The following RPUSD1 variants were observed in gnomAD, a reference collection of about 807,000 sequenced individuals.
RPUSD1 encodes the protein pseudouridylate synthase RPUSD1.
A neutral mutation model predicts 22.4 loss-of-function variants in RPUSD1; 28 were observed. The observed-to-expected ratio is 1.25, with a 90% CI of 0.93 to 1.72. The LOEUF (loss-of-function observed/expected upper bound fraction) is 1.72, where lower values mean the gene tolerates loss of function less well. Ranked by LOEUF, RPUSD1 falls within the 40% of genes most tolerant of loss-of-function variation. RPUSD1 has a pLI of 0.00. For missense variants in RPUSD1, 596 were observed against 442.2 expected, an observed-to-expected ratio of 1.35 and a Z score of -3.12; for synonymous variants, 298 against 201.0, an observed-to-expected ratio of 1.48 and a Z score of -4.08.
chr16:788,209 C>T (rs2042030570), intron 1 of RPUSD1, 47 bp downstream of exon 1: 1 of 400,616 alleles, frequency 2.5e-6, no homozygotes, highest in Admixed American at 3.0e-5. Context: ...GGCAGGCCGA[C>T]CCTGGCTCCG....
Position 787,986 on chromosome 16 carries a change from G to A in RPUSD1, c.-7-242C>T, listed in dbSNP as rs577596418. 554 of 579,440 alleles carry A rather than the reference G, an allele frequency of 9.6e-4. 1 individual carries two copies. Among genetic ancestry groups the A allele is most frequent in the Non-Finnish European group, 1.5e-3 (499 of 324,980 alleles). The allele number at this position is 579,440 out of a possible 1,614,324, so 35.9% of individuals were successfully genotyped here. ...GGGCCCTGCCTGACCTAAGCCTGGA[G>A]AAAGAGCCCGTTCCAAACCTGCCCC... On this transcript the variant is annotated intron_variant, in intron 1 of 5. Transcript: ENST00000007264.
In RPUSD1 at chr16:786,040, A is replaced by G. The variant is rs541944526; in HGVS notation, c.849T>C (p.Pro283=). 2.6e-6 allele frequency: 4 copies of G among 1,511,742 alleles called. No homozygotes were observed. The highest frequency in any genetic ancestry group is 1.8e-4 in the Middle Eastern group (1 of 5,536). The allele number at this position is 1,511,742 out of a possible 1,614,324, so 93.6% of individuals were successfully genotyped here. Residue 283 remains proline, a synonymous_variant, in exon 6 of 6, where the codon CCT becomes CCC. Transcript: ENST00000007264. Reference sequence around the variant, plus strand: ...TCTCAGGGGGCTTGGTTGGGGGTGGAGGAGGCCGGCCGGGCCCAGGCAGGA... The same window carrying G: ...TCTCAGGGGGCTTGGTTGGGGGTGGGGGAGGCCGGCCGGGCCCAGGCAGGA... ...SALLPGPGRP[P]PPPTKPPETE...
chr16:786,263 T>A lies in RPUSD1; in HGVS notation c.626A>T (p.His209Leu). ...CGTGGGGATGCGCAGGTAGAAAGCG[T>A]GCAGCATCATTCTGAACGGCCGGTC... ...REDRPFRMMLHAFYLRIPTDT... is the reference protein window; with the variant it reads ...REDRPFRMMLLAFYLRIPTDT... Residue 209 changes from histidine (H) to leucine (L), a missense_variant, in exon 6 of 6, where the codon CAC becomes CTC. Transcript: ENST00000007264. The A allele has an allele frequency of 1.9e-6, 3 of 1,612,738 alleles. No homozygotes were observed. The highest frequency in any genetic ancestry group is 2.5e-6 in the Non-Finnish European group (3 of 1,179,938).
At position 786,202 on chromosome 16, in the gene RPUSD1, G is replaced by A. The variant is rs559235513; in HGVS notation, c.687C>T (p.Pro229=). The change falls in exon 6 of 6, where the codon CCC becomes CCT. Residue 229 remains proline, a synonymous_variant. Coordinates refer to ENST00000007264, the MANE Select transcript of RPUSD1 (RefSeq NM_058192.3). ...TECVEVCTPD[P]FLPSLDACWS... ...AGCAGGCATCCAGGGAGGGCAGGAA[G>A]GGGTCAGGCGTGCAGACCTCCACAC... The A allele has an allele frequency of 3.5e-5, 57 of 1,612,620 alleles. No homozygotes were observed. Among genetic ancestry groups the A allele is most frequent in the Non-Finnish European group, 4.2e-5 (50 of 1,179,912 alleles).
In RPUSD1 at chr16:786,914, T is replaced by G. The variant is rs750771223; in HGVS notation, c.424A>C (p.Lys142Gln). 1.9e-6 allele frequency: 3 copies of G among 1,612,912 alleles called. No homozygotes were observed. In the East Asian group the frequency reaches 6.7e-5, roughly 36 times the overall value. The change falls in exon 5 of 6, where the codon AAG becomes CAG. Residue 142 changes from lysine (K) to glutamine (Q), a missense_variant. By Grantham distance (53) the Lys-to-Gln change is moderately conservative. Coordinates refer to ENST00000007264, the MANE Select transcript of RPUSD1 (RefSeq NM_058192.3). ...IEGSQGCENP[K>Q]PSLTDLVVLE... Reference sequence around the variant, plus strand: ...ACCACGAGATCTGTGAGGCTTGGCTTTGGGTTCTCACAACCTGGGGCGCAG... The same window carrying G: ...ACCACGAGATCTGTGAGGCTTGGCTGTGGGTTCTCACAACCTGGGGCGCAG...
intron 1 of RPUSD1, chr16:787,999 C>T (rs1486666840): frequency 3.5e-6 from 2 of 571,394 alleles, no homozygotes; most frequent in Non-Finnish European, 6.3e-6. Context: ...AGAGCCCGTT[C>T]CAAACCTGCC....
chr16:787,139 T>G lies in RPUSD1; in HGVS notation c.347A>C (p.His116Pro). The G allele has an allele frequency of 6.2e-7, 1 of 1,608,454 alleles. No homozygotes were observed. The highest frequency in any genetic ancestry group is 8.5e-7 in the Non-Finnish European group (1 of 1,179,616). Residue 116 changes from histidine (H) to proline (P), a missense_variant, in exon 4 of 6, where the codon CAT becomes CCT. His to Pro is a moderately conservative substitution (Grantham distance 77, BLOSUM62 -2). Transcript: ENST00000007264. Reference protein sequence around the residue: ...HIQESRVTISHAIGRNSTEGR... With the variant: ...HIQESRVTISPAIGRNSTEGR... Reference sequence around the variant, plus strand: ...CTCCGTGCTGTTCCTGCCAATGGCATGGCTGATGGTTACCCGGCTCTCCTG... The same window carrying G: ...CTCCGTGCTGTTCCTGCCAATGGCAGGGCTGATGGTTACCCGGCTCTCCTG...
rs2041905609 is a variant in RPUSD1 at position 786,253 on chromosome 16, G to A, written c.636C>T (p.Tyr212=). ...ACTCGGTGTCCGTGGGGATGCGCAG[G>A]TAGAAAGCGTGCAGCATCATTCTGA... The part of the protein sequence containing the change: ...RPFRMMLHAF[Y]LRIPTDTECV... Residue 212 remains tyrosine, a synonymous_variant, in exon 6 of 6, where the codon TAC becomes TAT. Transcript: ENST00000007264. 5.6e-6 allele frequency: 9 copies of A among 1,612,666 alleles called. No individual in the cohort carries two copies. Among genetic ancestry groups the A allele is most frequent in the African/African-American group, 2.7e-5 (2 of 74,934 alleles).
Position 787,709 on chromosome 16 carries a change from G to A in RPUSD1, c.29C>T (p.Ser10Phe), listed in dbSNP as rs368353162. 6.2e-7 allele frequency: 1 copy of A among 1,611,538 alleles called. No individual in the cohort carries two copies. The highest frequency in any genetic ancestry group is 8.5e-7 in the Non-Finnish European group (1 of 1,179,896). Reference protein sequence around the residue: MEPGSVENLSIVYRSRDFLV... With the variant: MEPGSVENLFIVYRSRDFLV... Reference sequence around the variant, plus strand: ...GAAGTCGCGGCTCCGGTACACGATGGACAGGTTCTCCACGCTGCCTGGCTC... The same window carrying A: ...GAAGTCGCGGCTCCGGTACACGATGAACAGGTTCTCCACGCTGCCTGGCTC... The change falls in exon 2 of 6, where the codon TCC becomes TTC. Residue 10 changes from serine (S) to phenylalanine (F), a missense_variant. Coordinates refer to ENST00000007264, the MANE Select transcript of RPUSD1 (RefSeq NM_058192.3).
intron 1 of RPUSD1, 104 bp downstream of exon 1, chr16:788,152 T>C (rs1446854946): frequency 6.8e-6 from 3 of 441,240 alleles, no homozygotes; most frequent in African/African-American, 2.1e-5. Flanking sequence ...TGGGGCCTCC[T>C]CGCTCCCCGC....
rs746041772 is a variant in RPUSD1 at position 787,372 on chromosome 16, G to A, written c.288C>T (p.Thr96=). ...AYRCFKERRV[T]KAYLALLRGH... ...GTCTTACCAATGCCAGGTAAGCCTT[G>A]GTCACGCGCCGCTCCTTGAAGCACC... Residue 96 remains threonine, a synonymous_variant, in exon 3 of 6, where the codon ACC becomes ACT. Coordinates refer to ENST00000007264, the MANE Select transcript of RPUSD1 (RefSeq NM_058192.3). 6.9e-6 allele frequency: 11 copies of A among 1,587,230 alleles called. No individual in the cohort carries two copies. In the Admixed American group the frequency reaches 7.0e-5, roughly 10 times the overall value.
At chr16:787,914 C>T (rs1567383100) in intron 1 of RPUSD1, 170 bp from the exon 2 acceptor site, 5 of 654,110 alleles carry the variant, frequency 7.6e-6, no homozygotes, top group Middle Eastern at 4.2e-4. Context: ...GTCCCCAGGG[C>T]GTCAGCTGGG....
Position 787,742 on chromosome 16 carries a change from G to C in RPUSD1, c.-5C>G. 3.1e-6 allele frequency: 5 copies of C among 1,606,936 alleles called. No homozygotes were observed. The highest frequency in any genetic ancestry group is 4.2e-6 in the Non-Finnish European group (5 of 1,178,826). ...CTCCACGCTGCCTGGCTCCATGGCC[G>C]GCCTGCCGAGCCACGCGTGGGTGCG... On this transcript the variant is annotated splice_region_variant and 5_prime_UTR_variant, in exon 2 of 6. Coordinates refer to ENST00000007264, the MANE Select transcript of RPUSD1 (RefSeq NM_058192.3).
chr16:786,684 G>T (rs1410695332), intron 5 of RPUSD1, 143 bp downstream of exon 5: 1 of 788,104 alleles, frequency 1.3e-6, no homozygotes, highest in South Asian at 1.4e-5. Context: ...AAGCTGAGAG[G>T]CTGCAGGGCG....
chr16:786,528 G>C (rs577498081), intron 5 of RPUSD1, 151 bp from the exon 6 acceptor site: 2 of 792,588 alleles, frequency 2.5e-6, no homozygotes, highest in African/African-American at 1.7e-5. Flanking sequence ...CCATGAGTGA[G>C]GATGACAGTA....
At position 785,925 on chromosome 16, in the gene RPUSD1, A is replaced by G. The variant is rs2041887357; in HGVS notation, c.*25T>C. The G allele has an allele frequency of 2.8e-6, 4 of 1,423,112 alleles. No homozygotes were observed. The Admixed American group carries it at 8.7e-5, about 31-fold the overall frequency. The allele number at this position is 1,423,112 out of a possible 1,614,324, so 88.2% of individuals were successfully genotyped here. A position where few individuals can be genotyped will look rare whatever the true frequency, so the allele number is the denominator to read the frequency against. On this transcript the variant is annotated 3_prime_UTR_variant, in exon 6 of 6. Coordinates refer to ENST00000007264, the MANE Select transcript of RPUSD1 (RefSeq NM_058192.3). ...CCTAGAGTCCCGCTGTGCAGCTGAC[A>G]CCCCCTGCCCCAGCCCCACGGCTCT... is the stretch of plus-strand genomic sequence containing the variant.
Position 787,621 on chromosome 16 carries a change from G to A in RPUSD1, c.117C>T (p.Thr39=), listed in dbSNP as rs538989051. The change falls in exon 2 of 6, where the codon ACC becomes ACT. Residue 39 remains threonine, a synonymous_variant. Coordinates refer to ENST00000007264, the MANE Select transcript of RPUSD1 (RefSeq NM_058192.3). ...IDSKAWRETL[T]LQKQLRYRFP... ...AGCGGTACCGCAGCTGCTTCTGCAG[G>A]GTCAGAGTCTCCCGCCACGCCTTGC... 1 of 1,611,888 alleles carries A rather than the reference G, an allele frequency of 6.2e-7. No individual in the cohort carries two copies. The highest frequency in any genetic ancestry group is 1.1e-5 in the South Asian group (1 of 91,092).
chr16:785,998 G>T lies in RPUSD1; in HGVS notation c.891C>A (p.Gly297=). Residue 297 remains glycine (G), a synonymous_variant, in exon 6 of 6, where the codon GGC becomes GGA. Transcript: ENST00000007264. ...ACTCCGACAGCCACTGCAGGCAGGG[G>T]CCCCGCTGTGCCTCAGTCTCAGGGG... The part of the protein sequence containing the change: ...TKPPETEAQR[G]PCLQWLSEWT... The T allele has an allele frequency of 1.4e-6, 2 of 1,461,320 alleles. No individual in the cohort carries two copies. The highest frequency in any genetic ancestry group is 1.8e-6 in the Non-Finnish European group (2 of 1,110,910). 90.5% of individuals were successfully genotyped at this position (1,461,320 alleles called of 1,614,324 possible). A position where few individuals can be genotyped will look rare whatever the true frequency, so the allele number is the denominator to read the frequency against.
Position 787,378 on chromosome 16 carries a change from G to A in RPUSD1, c.282C>T (p.Arg94=), listed in dbSNP as rs1170754996. The part of the protein sequence containing the change: ...GSAYRCFKER[R]VTKAYLALLR... ...CCAATGCCAGGTAAGCCTTGGTCAC[G>A]CGCCGCTCCTTGAAGCACCTGTACG... is the stretch of plus-strand genomic sequence containing the variant. Residue 94 remains arginine (R), a synonymous_variant, in exon 3 of 6, where the codon CGC becomes CGT. Transcript: ENST00000007264. 1.2e-5 allele frequency: 19 copies of A among 1,589,590 alleles called. No individual in the cohort carries two copies. The highest frequency in any genetic ancestry group is 2.3e-5 in the East Asian group (1 of 42,950).
Sources: allele counts gnomAD v4.1 joint callset, GRCh38; gene constraint gnomAD v4.1.1; transcripts MANE v1.5; gene names NCBI Gene and HGNC (gene_info 2026-07-23, HGNC 2026-07-21).